SCN9A: variants seen among roughly 807,000 people sequenced by gnomAD.
The protein encoded by SCN9A is sodium voltage-gated channel alpha subunit 9.
Under a neutral mutation model 187.0 loss-of-function variants are expected in SCN9A, and 131 were observed. That is an observed-to-expected ratio of 0.70 (90% CI 0.61 to 0.81). The LOEUF (loss-of-function observed/expected upper bound fraction) is 0.81, where lower values mean the gene tolerates loss of function less well. Among genes scored for constraint, SCN9A ranks in the 30% least tolerant of loss-of-function variants. SCN9A has a pLI of 0.00. For missense variants in SCN9A, 2,252 were observed against 2,396.6 expected, an observed-to-expected ratio of 0.94 and a Z score of 1.26; for synonymous variants, 809 against 808.6, an observed-to-expected ratio of 1.00 and a Z score of -0.01.
chr2:166,353,688 C>T (rs1344875878), intron 1 of SCN9A, among the ~76,000 whole-genome samples: 1 of 152,052 alleles, frequency 6.6e-6, no homozygotes, highest in East Asian at 1.9e-4. Context: ...TCCTTCCTTC[C>T]CTCAAATATA....
intron 5 of SCN9A, among the ~76,000 whole-genome samples, chr2:166,305,130 A>G (rs1172993095): frequency 6.6e-6 from 1 of 152,022 alleles, no homozygotes; most frequent in East Asian, 1.9e-4. Flanking sequence ...GCTCCAGTGA[A>G]CCTGGATTAC....
intron 19 of SCN9A, among the ~76,000 whole-genome samples, 186 bp downstream of exon 19, chr2:166,242,316 G>A (rs995139990): frequency 3.9e-5 from 6 of 152,020 alleles, no homozygotes; most frequent in Non-Finnish European, 7.4e-5. Context: ...AGGGCAGCAA[G>A]GATAATGCCT....
intron 1 of SCN9A, among the ~76,000 whole-genome samples, chr2:166,359,411 G>A (rs1302207934): frequency 6.6e-6 from 1 of 151,930 alleles, no homozygotes; most frequent in Non-Finnish European, 1.5e-5. Flanking sequence ...CAGGCAGGCT[G>A]GCTACTCATT....
intron 20 of SCN9A, 97 bp downstream of exon 20, chr2:166,237,997 A>G: frequency 3.5e-6 from 3 of 848,854 alleles, no homozygotes; most frequent in Non-Finnish European, 3.6e-6. Context: ...GAAGCTTAAC[A>G]AAATTAAAAT....
chr2:166,250,855 C>G (rs147235530), intron 18 of SCN9A, among the ~76,000 whole-genome samples: 1 of 152,062 alleles, frequency 6.6e-6, no homozygotes, highest in Non-Finnish European at 1.5e-5. Flanking sequence ...GGCCCTATCT[C>G]CAGAGTTCCT....
intron 16 of SCN9A, 36 bp from the exon 17 acceptor site, chr2:166,272,911 G>C: frequency 1.1e-6 from 1 of 911,528 alleles, no homozygotes. Flanking sequence ...AGAGAAATAG[G>C]GAGACAGGAA....
intron 11 of SCN9A, 67 bp downstream of exon 11, chr2:166,286,269 C>T: frequency 6.7e-7 from 1 of 1,482,350 alleles, no homozygotes; most frequent in East Asian, 2.3e-5. Context: ...TTCTCTTACC[C>T]TAAAATAAGA....
chr2:166,227,155 T>G (rs1174988408), intron 23 of SCN9A, among the ~76,000 whole-genome samples: 1 of 152,176 alleles, frequency 6.6e-6, no homozygotes, highest in Non-Finnish European at 1.5e-5. Flanking sequence ...ATCATTAAAG[T>G]TTCTTAGCAT....
intron 1 of SCN9A, among the ~76,000 whole-genome samples, chr2:166,362,614 A>C (rs1357813446): frequency 2.6e-5 from 4 of 152,028 alleles, no homozygotes; most frequent in Non-Finnish European, 5.9e-5. Flanking sequence ...AATAATTCCT[A>C]TCCTTCCTCA....
intron 9 of SCN9A, among the ~76,000 whole-genome samples, chr2:166,291,194 A>T (rs1051275839): frequency 2.0e-5 from 3 of 152,208 alleles, no homozygotes; most frequent in Non-Finnish European, 4.4e-5. Context: ...TCTCAGCCCC[A>T]AAACTCTTTA....
chr2:166,287,790 TG>T (rs528522677), intron 10 of SCN9A, among the ~76,000 whole-genome samples: 418 of 152,046 alleles, frequency 2.7e-3, no homozygotes, highest in African/African-American at 9.8e-3. Flanking sequence ...TAATATCTCA[TG>T]TTTTATCTTA....
intron 17 of SCN9A, among the ~76,000 whole-genome samples, chr2:166,257,129 A>C (rs888906474): frequency 6.6e-6 from 1 of 151,626 alleles, no homozygotes; most frequent in African/African-American, 2.4e-5. Context: ...CAGAACTGCT[A>C]CACTGTTTGC....
intron 17 of SCN9A, among the ~76,000 whole-genome samples, chr2:166,260,232 A>G (rs929531883): frequency 6.6e-6 from 1 of 151,922 alleles, no homozygotes; most frequent in Non-Finnish European, 1.5e-5. Context: ...ACTACATTTC[A>G]TAATAATAAG....
intron 17 of SCN9A, among the ~76,000 whole-genome samples, chr2:166,271,063 AGGAGG>A (rs1696959423): frequency 6.6e-6 from 1 of 151,980 alleles, no homozygotes; most frequent in South Asian, 2.1e-4. Context: ...AGGGTGGGAG[AGGAGG>A]GCACAAAAAA....
At chr2:166,370,676 A>C (rs1381367780) in intron 1 of SCN9A, among the ~76,000 whole-genome samples, 1 of 152,126 alleles carries the variant, frequency 6.6e-6, no homozygotes, top group Non-Finnish European at 1.5e-5. Flanking sequence ...ATTTTAATGC[A>C]TGCTTCTAAT....
At chr2:166,201,456 T>A (rs887210284) in intron 26 of SCN9A, among the ~76,000 whole-genome samples, 2 of 130,990 alleles carry the variant, frequency 1.5e-5, no homozygotes, top group African/African-American at 5.4e-5. Context: ...ATGCGTATAC[T>A]ATATATATAG....
At chr2:166,340,689 C>G (rs951224501) in intron 1 of SCN9A, among the ~76,000 whole-genome samples, 1 of 151,446 alleles carries the variant, frequency 6.6e-6, no homozygotes, top group African/African-American at 2.4e-5. Context: ...AGTGCATTGA[C>G]AGCTCACTGC....
chr2:166,242,330 A>G (rs1415364842), intron 19 of SCN9A, among the ~76,000 whole-genome samples, 172 bp downstream of exon 19: 1 of 152,096 alleles, frequency 6.6e-6, no homozygotes, highest in East Asian at 1.9e-4. Flanking sequence ...AATGCCTGGC[A>G]TGTAGGAGTG....
chr2:166,205,904 T>C (rs1693778772), intron 24 of SCN9A, among the ~76,000 whole-genome samples: 1 of 151,978 alleles, frequency 6.6e-6, no homozygotes, highest in Non-Finnish European at 1.5e-5. Context: ...CCAACAGACA[T>C]ATGAAAAAAT....
Sources: allele counts gnomAD v4.1 joint callset (sites outside exome capture counted in the v4.1 genomes callset), GRCh38; gene constraint gnomAD v4.1.1; transcripts MANE v1.5; gene names NCBI Gene and HGNC (gene_info 2026-07-23, HGNC 2026-07-21).